PSEN2: variants seen among roughly 807,000 people sequenced by gnomAD.
PSEN2 encodes presenilin 2.
In PSEN2, 32 loss-of-function variants were observed where a neutral mutation model predicts 49.1. That is an observed-to-expected ratio of 0.65 (90% CI 0.49 to 0.88). PSEN2 has a LOEUF of 0.88. PSEN2 is among the 40% of genes least tolerant of loss of function. PSEN2 has a pLI of 0.00. For synonymous variants in PSEN2, 255 were observed against 244.0 expected, an observed-to-expected ratio of 1.05 and a Z score of -0.42; for missense variants, 522 against 586.9, an observed-to-expected ratio of 0.89 and a Z score of 1.14.
chr1:226,883,711 C>G lies in PSEN2; in HGVS notation c.148C>G (p.Gln50Glu). ...ACGATGTGGTTTCCCACAGAGAAGCCAGGAGAACGAGGAGGACGGTGAGGA... is the reference window on the plus strand; with the variant it reads ...ACGATGTGGTTTCCCACAGAGAAGCGAGGAGAACGAGGAGGACGGTGAGGA... ...DGENTAQWRS[Q>E]ENEEDGEEDP... is the part of the protein sequence containing the mutation. The change falls in exon 5 of 13, where the codon CAG becomes GAG. Residue 50 changes from glutamine (Q) to glutamate (E), a missense_variant. By Grantham distance (29) the Gln-to-Glu change is conservative. Transcript: ENST00000366783. 6.2e-7 allele frequency: 1 copy of G among 1,613,940 alleles called. No homozygotes were observed. The highest frequency in any genetic ancestry group is 2.2e-5 in the East Asian group (1 of 44,880).
chr1:226,891,433 G>C, intron 10 of PSEN2, 72 bp downstream of exon 10: 1 of 1,383,924 alleles, frequency 7.2e-7, no homozygotes, highest in South Asian at 1.3e-5. Context: ...AGCTCTGCTC[G>C]GCCTGGCTTC....
At chr1:226,901,619 T>A (rs1662324533), downstream of PSEN2, among the ~76,000 whole-genome samples, 1 of 152,156 alleles carries the variant, frequency 6.6e-6, no homozygotes, top group South Asian at 2.1e-4. Flanking sequence ...TGTCTCTTCG[T>A]GGCTTTGATC....
chr1:226,890,189 G>T, intron 9 of PSEN2, 56 bp downstream of exon 9: 1 of 1,429,130 alleles, frequency 7.0e-7, no homozygotes, highest in Non-Finnish European at 9.9e-7. Flanking sequence ...AGCCTGTGGG[G>T]GGACAGGGGC....
rs753009383 is a variant in PSEN2 at position 226,888,849 on chromosome 1, A to G, written c.587A>G (p.Asn196Ser). ...TGCAGGGAAGTGCTCAAGACCTACA[A>G]TGTGGCCATGGACTACCCCACCCTC... ...IYLGEVLKTYNVAMDYPTLLL... is the reference protein window; with the variant it reads ...IYLGEVLKTYSVAMDYPTLLL... The change falls in exon 8 of 13, where the codon AAT (asparagine) becomes AGT (serine). Residue 196 changes from asparagine to serine, a missense_variant. Coordinates refer to ENST00000366783, the MANE Select transcript of PSEN2 (RefSeq NM_000447.3). 2 of 1,614,140 alleles carry G rather than the reference A, an allele frequency of 1.2e-6. No individual in the cohort carries two copies. The highest frequency in any genetic ancestry group is 2.2e-5 in the East Asian group (1 of 44,878).
At chr1:226,887,633 G>A (rs1392273707) in intron 6 of PSEN2, among the ~76,000 whole-genome samples, 1 of 152,108 alleles carries the variant, frequency 6.6e-6, no homozygotes, top group African/African-American at 2.4e-5. Context: ...TCCTATCACT[G>A]TATCCTAACA....
At chr1:226,890,181 C>T in intron 9 of PSEN2, 48 bp downstream of exon 9, 1 of 1,480,276 alleles carries the variant, frequency 6.8e-7, no homozygotes, top group African/African-American at 1.4e-5. Context: ...CAGCAGGCAG[C>T]CTGTGGGGGG....
intron 7 of PSEN2, 62 bp from the exon 8 acceptor site, chr1:226,888,767 A>G (rs962157721): frequency 6.9e-7 from 1 of 1,451,658 alleles, no homozygotes; most frequent in African/African-American, 1.4e-5. Context: ...GAATGGTGGT[A>G]AACTGCTAGG....
At chr1:226,873,528 G>A (rs1172657517) in intron 2 of PSEN2, among the ~76,000 whole-genome samples, 2 of 152,010 alleles carry the variant, frequency 1.3e-5, no homozygotes, top group African/African-American at 4.8e-5. Context: ...CGACTCTCCT[G>A]CCTCAGCCTC....
chr1:226,875,835 G>A (rs1660593847), intron 3 of PSEN2, among the ~76,000 whole-genome samples: 1 of 152,208 alleles, frequency 6.6e-6, no homozygotes, highest in Non-Finnish European at 1.5e-5. Context: ...GGCTAATTCA[G>A]CAGTTTGATC....
chr1:226,883,932 G>A lies in PSEN2; in HGVS notation c.356+13G>A. 1.9e-6 allele frequency: 3 copies of A among 1,602,642 alleles called. No homozygotes were observed. The highest frequency in any genetic ancestry group is 2.2e-5 in the South Asian group (2 of 90,762). ...AGAATGGACAGCTGTGAGTTGGGGG[G>A]CTGGGGGGAGCAGGGTGGGGTGAGG... On this transcript the variant is annotated intron_variant, in intron 5 of 12. Transcript: ENST00000366783.
downstream of PSEN2, among the ~76,000 whole-genome samples, chr1:226,896,549 G>A (rs1662156765): frequency 6.6e-6 from 1 of 152,142 alleles, no homozygotes; most frequent in Non-Finnish European, 1.5e-5. Flanking sequence ...CATCAATCAT[G>A]GGTTGCAAAG....
At chr1:226,877,351 T>C (rs1345585791) in intron 3 of PSEN2, among the ~76,000 whole-genome samples, 1 of 152,188 alleles carries the variant, frequency 6.6e-6, no homozygotes, top group Non-Finnish European at 1.5e-5. Flanking sequence ...CTAATTACTT[T>C]TTGAGCCTCT....
At chr1:226,880,498 G>T in intron 3 of PSEN2, 8 of 1,512,396 alleles carry the variant, frequency 5.3e-6, no homozygotes, top group Non-Finnish European at 7.1e-6. Flanking sequence ...AGGGTCTCTG[G>T]ACAGCGATCA....
chr1:226,878,850 T>A (rs960191980), intron 3 of PSEN2, among the ~76,000 whole-genome samples: 1 of 152,226 alleles, frequency 6.6e-6, no homozygotes, highest in Non-Finnish European at 1.5e-5. Flanking sequence ...TGGAATATTA[T>A]GATTTAGCTT....
chr1:226,892,297 G>A (rs945369775), intron 11 of PSEN2, among the ~76,000 whole-genome samples: 1 of 152,216 alleles, frequency 6.6e-6, no homozygotes, highest in African/African-American at 2.4e-5. Flanking sequence ...GCAGTCACTA[G>A]AGGAGAGGAG....
chr1:226,889,209 G>A (rs551956925), intron 8 of PSEN2, among the ~76,000 whole-genome samples, 160 bp downstream of exon 8: 1 of 152,310 alleles, frequency 6.6e-6, no homozygotes, highest in East Asian at 1.9e-4. Flanking sequence ...GTAAAACAGA[G>A]GGGGGTCCAC....
rs1432428355 is a variant in PSEN2, at chr1:226,875,347, A to G, written c.-206-18A>G. On this transcript the variant is annotated intron_variant, in intron 2 of 12. Coordinates refer to ENST00000366783, the MANE Select transcript of PSEN2 (RefSeq NM_000447.3). ...TCTGGGTATCACCTGACCTTAGCAA[A>G]CTCTTCCTTGTTTTAAGCGAGGACG... The G allele has an allele frequency of 6.6e-6, 1 of 152,038 alleles. No homozygotes were observed. Among genetic ancestry groups the G allele is most frequent in the Non-Finnish European group, 1.5e-5 (1 of 68,032 alleles). 9.4% of individuals were successfully genotyped at this position (152,038 alleles called of 1,614,324 possible).
chr1:226,877,836 TC>T (rs1179712410), intron 3 of PSEN2, among the ~76,000 whole-genome samples: 1 of 152,158 alleles, frequency 6.6e-6, no homozygotes, highest in Non-Finnish European at 1.5e-5. Context: ...CCTTGTTTCT[TC>T]CTGAAGACAT....
chr1:226,885,289 C>T (rs1266759337), intron 5 of PSEN2, among the ~76,000 whole-genome samples: 1 of 152,122 alleles, frequency 6.6e-6, no homozygotes, highest in Non-Finnish European at 1.5e-5. Context: ...GGTCATCTAG[C>T]CCTCGTCCTC....
Sources: gnomAD v4.1 joint callset for allele counts (sites outside exome capture counted in the v4.1 genomes callset) on GRCh38, gnomAD v4.1.1 for gene constraint, MANE v1.5 for transcripts, NCBI Gene and HGNC (gene_info 2026-07-23, HGNC 2026-07-21) for gene names.